Variants in PEPD observed in about 807,000 individuals in gnomAD.
The protein encoded by PEPD is peptidase D.
Under a neutral mutation model 60.7 loss-of-function variants are expected in PEPD, and 53 were observed. That is an observed-to-expected ratio of 0.87 (90% CI 0.70 to 1.10). PEPD has a LOEUF of 1.10. Ranked by LOEUF, PEPD falls within the 50% of genes least tolerant of loss-of-function variation. The probability of loss-of-function intolerance (pLI) is 0.00; values close to 1 mark genes in which losing one functional copy is unlikely to be tolerated. For synonymous variants in PEPD, 267 were observed against 284.1 expected (o/e 0.94, Z 0.60); for missense variants, 711 against 711.9 (o/e 1.00, Z 0.01).
At chr19:33,410,336 G>A (rs535792617) in intron 11 of PEPD, among the ~76,000 whole-genome samples, 2 of 152,382 alleles carry the variant, frequency 1.3e-5, no homozygotes, top group Admixed American at 1.3e-4. Context: ...AGTCTCAGTA[G>A]GCCATGTGCC....
At chr19:33,411,849 C>T in intron 10 of PEPD, 100 bp from the exon 11 acceptor site, 1 of 759,298 alleles carries the variant, frequency 1.3e-6, no homozygotes, top group Admixed American at 2.0e-5. Context: ...GCAGCACTGT[C>T]CCCACCTCCA....
chr19:33,442,302 G>A (rs1208559941), intron 9 of PEPD, among the ~76,000 whole-genome samples: 1 of 152,092 alleles, frequency 6.6e-6, no homozygotes, highest in Non-Finnish European at 1.5e-5. Flanking sequence ...AGCTACTTGG[G>A]AGGCTGAGGC....
intron 9 of PEPD, among the ~76,000 whole-genome samples, chr19:33,443,542 C>G (rs888595990): frequency 6.6e-6 from 1 of 152,112 alleles, no homozygotes; most frequent in Non-Finnish European, 1.5e-5. Flanking sequence ...GCCATGTACA[C>G]AATACCATGT....
At chr19:33,468,152 G>A (rs754225563) in intron 7 of PEPD, among the ~76,000 whole-genome samples, 4 of 152,186 alleles carry the variant, frequency 2.6e-5, no homozygotes, top group Non-Finnish European at 5.9e-5. Context: ...ATGGAGGTGG[G>A]CAACCCAGCT....
chr19:33,498,572 A>G (rs1970650668), intron 4 of PEPD, among the ~76,000 whole-genome samples: 1 of 152,188 alleles, frequency 6.6e-6, no homozygotes, highest in East Asian at 1.9e-4. Context: ...GGGCAGAGGC[A>G]GGTGCCGGTC....
intron 9 of PEPD, among the ~76,000 whole-genome samples, chr19:33,418,548 G>A (rs547729598): frequency 6.6e-6 from 1 of 152,324 alleles, no homozygotes; most frequent in South Asian, 2.1e-4. Flanking sequence ...TTCTTCTGGG[G>A]TGACCAGTGG....
chr19:33,469,482 C>T (rs1970082682), intron 7 of PEPD, among the ~76,000 whole-genome samples: 1 of 152,214 alleles, frequency 6.6e-6, no homozygotes, highest in Admixed American at 6.5e-5. Flanking sequence ...GAATTCCACT[C>T]CTACTTCTTG....
At chr19:33,498,716 C>T (rs1390484727) in intron 4 of PEPD, among the ~76,000 whole-genome samples, 1 of 151,362 alleles carries the variant, frequency 6.6e-6, no homozygotes, top group Admixed American at 6.6e-5. Context: ...GTGCCCATCC[C>T]GCCACAGTCC....
chr19:33,391,648 G>A (rs916461303), intron 12 of PEPD, among the ~76,000 whole-genome samples, 169 bp from the exon 13 acceptor site: 5 of 152,188 alleles, frequency 3.3e-5, no homozygotes, highest in African/African-American at 1.2e-4. Flanking sequence ...AAGGACTAGG[G>A]TGGCCCCCCG....
chr19:33,450,099 G>A (rs996887260), intron 9 of PEPD, among the ~76,000 whole-genome samples: 1 of 152,228 alleles, frequency 6.6e-6, no homozygotes, highest in Non-Finnish European at 1.5e-5. Context: ...CTCTGTGTTA[G>A]GTGTGACTGC....
At chr19:33,412,426 G>A (rs1409140500) in intron 10 of PEPD, among the ~76,000 whole-genome samples, 1 of 152,162 alleles carries the variant, frequency 6.6e-6, no homozygotes, top group South Asian at 2.1e-4. Flanking sequence ...TCCTTTCCTG[G>A]TGGCCAAAGG....
At chr19:33,417,591 C>T (rs73586238) in intron 9 of PEPD, among the ~76,000 whole-genome samples, 2,447 of 152,270 alleles carry the variant, frequency 0.016, 83 homozygotes, top group African/African-American at 0.055. Context: ...GCCTCCCTCC[C>T]AGGGCTGCTA....
At chr19:33,391,760 C>T (rs1968227737) in intron 12 of PEPD, among the ~76,000 whole-genome samples, 1 of 152,232 alleles carries the variant, frequency 6.6e-6, no homozygotes, top group Non-Finnish European at 1.5e-5. Context: ...AAGGGCCCAG[C>T]CTGGGTCTAC....
intron 9 of PEPD, among the ~76,000 whole-genome samples, chr19:33,447,277 C>A (rs1006199900): frequency 1.1e-4 from 16 of 152,188 alleles, no homozygotes; most frequent in African/African-American, 3.9e-4. Context: ...TGCACCAGTG[C>A]CGGATGACTG....
chr19:33,464,287 C>T (rs1460146257), intron 7 of PEPD, among the ~76,000 whole-genome samples: 1 of 152,250 alleles, frequency 6.6e-6, no homozygotes, highest in Non-Finnish European at 1.5e-5. Flanking sequence ...TCCCTAACAC[C>T]AGCCAGCGGG....
chr19:33,430,869 G>A (rs563973539), intron 9 of PEPD, among the ~76,000 whole-genome samples: 2 of 152,098 alleles, frequency 1.3e-5, no homozygotes, highest in African/African-American at 2.4e-5. Flanking sequence ...AGTGCACGCC[G>A]TCTGCCACGC....
intron 3 of PEPD, among the ~76,000 whole-genome samples, chr19:33,507,472 T>C (rs1970835218): frequency 6.6e-6 from 1 of 152,188 alleles, no homozygotes; most frequent in African/African-American, 2.4e-5. Context: ...CCACGGCCCC[T>C]GGCGTCTGCA....
At chr19:33,423,095 TCATC>T (rs56734200) in intron 9 of PEPD, among the ~76,000 whole-genome samples, 21 of 147,452 alleles carry the variant, frequency 1.4e-4, no homozygotes, top group South Asian at 8.9e-4. Context: ...TACCTACTTA[TCATC>T]CATCCATCCA....
intron 11 of PEPD, among the ~76,000 whole-genome samples, chr19:33,407,777 C>T (rs1968665422): frequency 6.6e-6 from 1 of 152,240 alleles, no homozygotes; most frequent in South Asian, 2.1e-4. Flanking sequence ...AACAGCAAAA[C>T]CCCCGGAGGC....
Sources: allele counts gnomAD v4.1 joint callset (sites outside exome capture counted in the v4.1 genomes callset), GRCh38; gene constraint gnomAD v4.1.1; transcripts MANE v1.5; gene names NCBI Gene and HGNC (gene_info 2026-07-23, HGNC 2026-07-21).